The following ITPR2 variants were observed in gnomAD, a reference collection of about 807,000 sequenced individuals.
ITPR2 encodes inositol 1,4,5-trisphosphate receptor type 2, also known as inositol 1,4,5-trisphosphate-gated calcium channel ITPR2.
ITPR2 carries 207 observed loss-of-function variants against 317.1 expected under a neutral mutation model. The observed-to-expected ratio is 0.65, with a 90% CI of 0.58 to 0.73. The LOEUF (loss-of-function observed/expected upper bound fraction) is 0.73. Ranked by LOEUF, ITPR2 falls within the 30% of genes least tolerant of loss-of-function variation. ITPR2 has a pLI of 0.00. For missense variants in ITPR2, 2,613 were observed against 3,284.0 expected, an observed-to-expected ratio of 0.80 and a Z score of 4.99; for synonymous variants, 1,156 against 1,149.1, an observed-to-expected ratio of 1.01 and a Z score of -0.12.
intron 45 of ITPR2, among the ~76,000 whole-genome samples, chr12:26,447,323 T>C (rs1334751984): frequency 1.3e-5 from 2 of 152,096 alleles, no homozygotes; most frequent in African/African-American, 2.4e-5. Flanking sequence ...ATTCCAGTAT[T>C]TGTAGAAAGA....
intron 1 of ITPR2, among the ~76,000 whole-genome samples, chr12:26,813,676 G>A (rs537380149): frequency 5.9e-5 from 9 of 152,130 alleles, no homozygotes; most frequent in Non-Finnish European, 1.2e-4. Context: ...TCAAGGTGAA[G>A]TTTAGACCAG....
chr12:26,625,158 G>A (rs745703481), intron 23 of ITPR2, among the ~76,000 whole-genome samples: 6 of 152,008 alleles, frequency 3.9e-5, no homozygotes, highest in Non-Finnish European at 8.8e-5. Flanking sequence ...AACTCATGGC[G>A]ATAGACAGTA....
At chr12:26,654,217 TA>T (rs1947325751) in intron 20 of ITPR2, 91 bp from the exon 21 acceptor site, 1 of 1,018,276 alleles carries the variant, frequency 9.8e-7, no homozygotes, top group African/African-American at 1.7e-5. Flanking sequence ...TTTTATTATC[TA>T]AATTAGCACA....
At chr12:26,566,115 A>AGGAGAGGAGGAGAG (rs573561832) in intron 34 of ITPR2, among the ~76,000 whole-genome samples, 8 of 120,994 alleles carry the variant, frequency 6.6e-5, no homozygotes, top group Non-Finnish European at 1.0e-4. Context: ...GGAAAGGAGA[A>AGGAGAGGAGGAGAG]GGAGAGGAGG....
chr12:26,499,984 T>G (rs1480904591), intron 37 of ITPR2, among the ~76,000 whole-genome samples: 3 of 152,202 alleles, frequency 2.0e-5, no homozygotes, highest in Non-Finnish European at 2.9e-5. Flanking sequence ...CTAAAAATGA[T>G]TAATGAATAG....
intron 26 of ITPR2, among the ~76,000 whole-genome samples, chr12:26,612,081 A>C (rs1268905061): frequency 3.3e-5 from 5 of 152,334 alleles, no homozygotes; most frequent in Admixed American, 3.3e-4. Flanking sequence ...CTTATTTATA[A>C]GAGATCAAGT....
At chr12:26,511,823 C>T (rs1943355335) in intron 37 of ITPR2, among the ~76,000 whole-genome samples, 1 of 152,212 alleles carries the variant, frequency 6.6e-6, no homozygotes. Flanking sequence ...AACATAGCTA[C>T]AAATCAAGTC....
At chr12:26,780,947 TAAG>T (rs1250469107) in intron 2 of ITPR2, among the ~76,000 whole-genome samples, 1 of 152,172 alleles carries the variant, frequency 6.6e-6, no homozygotes, top group East Asian at 1.9e-4. Flanking sequence ...GTCAACAGGC[TAAG>T]AAGGGAGTTA....
chr12:26,560,007 C>T (rs1944770213), intron 35 of ITPR2, among the ~76,000 whole-genome samples: 1 of 152,144 alleles, frequency 6.6e-6, no homozygotes, highest in South Asian at 2.1e-4. Flanking sequence ...GAATGCATGT[C>T]CCAGAAGAGC....
intron 37 of ITPR2, among the ~76,000 whole-genome samples, chr12:26,540,124 T>C (rs1389219011): frequency 6.6e-6 from 1 of 152,202 alleles, no homozygotes; most frequent in Non-Finnish European, 1.5e-5. Flanking sequence ...TTCTCAGCAC[T>C]GAAAGGCCTT....
intron 37 of ITPR2, among the ~76,000 whole-genome samples, chr12:26,532,747 C>T (rs181387096): frequency 2.8e-4 from 43 of 152,198 alleles, no homozygotes; most frequent in Admixed American, 1.5e-3. Flanking sequence ...AGTACAGTGG[C>T]GCAATCTTGG....
chr12:26,486,385 A>C, intron 40 of ITPR2, 25 bp from the exon 41 acceptor site: 1 of 1,538,780 alleles, frequency 6.5e-7, no homozygotes, highest in Non-Finnish European at 8.8e-7. Context: ...GTACTTTTAT[A>C]TTTCTGAACC....
rs1946025612 is a variant in ITPR2, at chr12:26,602,511, G to T, written c.3553-16C>A. The T allele has an allele frequency of 6.2e-7, 1 of 1,603,508 alleles. No individual in the cohort carries two copies. The highest frequency in any genetic ancestry group is 1.3e-5 in the African/African-American group (1 of 74,436). ...TGATCAAAATCTTTAAAAGGAAGAG[G>T]GAAAGCATCAAATATAATAAATAAC... On this transcript the variant is annotated splice_polypyrimidine_tract_variant and intron_variant, in intron 27 of 56. Coordinates refer to ENST00000381340, the MANE Select transcript of ITPR2 (RefSeq NM_002223.4).
intron 26 of ITPR2, among the ~76,000 whole-genome samples, chr12:26,609,540 T>C (rs1406471611): frequency 6.6e-6 from 1 of 151,350 alleles, no homozygotes; most frequent in African/African-American, 2.4e-5. Context: ...GGAAGTGGAG[T>C]CTGCAGTGAG....
At chr12:26,721,917 G>A (rs1424727632) in intron 5 of ITPR2, among the ~76,000 whole-genome samples, 1 of 152,066 alleles carries the variant, frequency 6.6e-6, no homozygotes, top group Non-Finnish European at 1.5e-5. Context: ...TCATCAATGA[G>A]CAGATGCCAA....
At chr12:26,476,758 G>T (rs1388017635) in intron 44 of ITPR2, among the ~76,000 whole-genome samples, 154 bp downstream of exon 44, 3 of 152,092 alleles carry the variant, frequency 2.0e-5, no homozygotes, top group Non-Finnish European at 2.9e-5. Flanking sequence ...GTCACCACAG[G>T]GCCTTCTGAG....
intron 1 of ITPR2, among the ~76,000 whole-genome samples, chr12:26,818,527 A>C (rs1219261665): frequency 1.3e-5 from 2 of 152,236 alleles, no homozygotes; most frequent in East Asian, 3.8e-4. Flanking sequence ...ATAAAGGAAG[A>C]AAGGTAAATA....
intron 55 of ITPR2, among the ~76,000 whole-genome samples, chr12:26,356,020 A>T (rs572625646): frequency 6.6e-6 from 1 of 152,378 alleles, no homozygotes; most frequent in Non-Finnish European, 1.5e-5. Context: ...TGGTGAATTT[A>T]AAAATCTGAA....
intron 1 of ITPR2, among the ~76,000 whole-genome samples, chr12:26,802,835 T>C (rs1234010223): frequency 1.3e-5 from 2 of 152,082 alleles, no homozygotes; most frequent in East Asian, 3.9e-4. Flanking sequence ...AACAATACAC[T>C]ATCTTAGTGG....
Sources: allele counts gnomAD v4.1 joint callset (sites outside exome capture counted in the v4.1 genomes callset), GRCh38; gene constraint gnomAD v4.1.1; transcripts MANE v1.5; gene names NCBI Gene and HGNC (gene_info 2026-07-23, HGNC 2026-07-21).